The following SIK3 variants were observed in gnomAD, a reference collection of about 807,000 sequenced individuals.
The protein encoded by SIK3 is SIK family kinase 3, also known as serine/threonine-protein kinase SIK3.
Under a neutral mutation model 144.2 loss-of-function variants are expected in SIK3, and 28 were observed. The observed-to-expected ratio is 0.19, with a 90% CI of 0.14 to 0.27. SIK3 has a LOEUF of 0.27. SIK3 is among the 10% of genes least tolerant of loss of function. SIK3 has a pLI of 1.00. For missense variants in SIK3, 1,319 were observed against 1,776.0 expected, an observed-to-expected ratio of 0.74 and a Z score of 4.62; for synonymous variants, 686 against 676.3, an observed-to-expected ratio of 1.01 and a Z score of -0.22.
rs545661904 is a variant in SIK3, at chr11:116,858,453, C to T, written c.3012G>A (p.Pro1004=). Residue 1004 remains proline, a synonymous_variant, in exon 21 of 25, where the codon CCG becomes CCA. Transcript: ENST00000445177. The surrounding 1 kb of genome is among the most constrained non-coding windows in gnomAD (Gnocchi z 5.4). ...ALQQALLSPT[P]PDYTRHQQVP... Reference sequence around the variant, plus strand: ...CCTGCTGGTGTCTTGTATAGTCTGGCGGCGTGGGAGACAGCAGGGCCTGCT... The same window carrying T: ...CCTGCTGGTGTCTTGTATAGTCTGGTGGCGTGGGAGACAGCAGGGCCTGCT... 25 of 1,604,192 alleles carry T rather than the reference C, an allele frequency of 1.6e-5. No homozygotes were observed. In the South Asian group the frequency reaches 2.1e-4, roughly 14 times the overall value.
At chr11:116,973,918 C>T (rs1296025490) in intron 1 of SIK3, among the ~76,000 whole-genome samples, 1 of 152,094 alleles carries the variant, frequency 6.6e-6, no homozygotes. Flanking sequence ...CCTAAGGAGA[C>T]ATGGTGACTA....
chr11:116,967,522 T>C (rs942098519), intron 1 of SIK3, among the ~76,000 whole-genome samples: 5 of 152,212 alleles, frequency 3.3e-5, no homozygotes, highest in Admixed American at 3.3e-4. Context: ...CTGCGTGAAG[T>C]AGCAGGAGCT....
intron 1 of SIK3, among the ~76,000 whole-genome samples, chr11:116,984,050 C>CAAA (rs35403684): frequency 0.1 from 8,059 of 80,554 alleles, 335 homozygotes; most frequent in Non-Finnish European, 0.13. Context: ...GACCCTGACT[C>CAAA]AAAAAAAAAA....
At chr11:117,059,638 C>A (rs1180752802) in intron 1 of SIK3, among the ~76,000 whole-genome samples, 1 of 152,106 alleles carries the variant, frequency 6.6e-6, no homozygotes, top group African/African-American at 2.4e-5. Flanking sequence ...CCAAAATATA[C>A]AAAGAACTCT....
chr11:117,091,644 T>G (rs1565635136), intron 1 of SIK3, among the ~76,000 whole-genome samples: 1 of 152,226 alleles, frequency 6.6e-6, no homozygotes, highest in Non-Finnish European at 1.5e-5. Flanking sequence ...TTAATTTATG[T>G]GCAATTTATG....
intron 1 of SIK3, among the ~76,000 whole-genome samples, chr11:117,010,036 G>A (rs1399509280): frequency 6.6e-6 from 1 of 152,160 alleles, no homozygotes; most frequent in Non-Finnish European, 1.5e-5. Context: ...CAAAGAAGCT[G>A]ATTCTGGCTG....
At chr11:117,045,850 T>C (rs1418118668) in intron 1 of SIK3, among the ~76,000 whole-genome samples, 4 of 152,244 alleles carry the variant, frequency 2.6e-5, no homozygotes, top group African/African-American at 7.2e-5. Flanking sequence ...ATATACTGTG[T>C]AAAAATGTAT....
intron 21 of SIK3, among the ~76,000 whole-genome samples, chr11:116,854,785 T>C (rs1022814613): frequency 2.6e-5 from 4 of 152,112 alleles, no homozygotes; most frequent in African/African-American, 4.8e-5. Flanking sequence ...ATGTAAGCTC[T>C]GGAGTTTTTA....
chr11:116,878,586 G>C (rs941943670), intron 6 of SIK3, among the ~76,000 whole-genome samples: 1 of 152,070 alleles, frequency 6.6e-6, no homozygotes, highest in Non-Finnish European at 1.5e-5. Context: ...CACCATGTTG[G>C]CCAGGCTGGT....
chr11:117,041,311 T>G (rs1680840367), intron 1 of SIK3, among the ~76,000 whole-genome samples: 1 of 152,122 alleles, frequency 6.6e-6, no homozygotes. Flanking sequence ...CCAGCTTTCC[T>G]CAAACTGTAT....
intron 4 of SIK3, among the ~76,000 whole-genome samples, chr11:116,901,694 C>T (rs770424449): frequency 6.6e-6 from 1 of 152,184 alleles, no homozygotes; most frequent in Non-Finnish European, 1.5e-5. Flanking sequence ...GATCTACCCT[C>T]TCTCTCTAGT....
Position 116,995,245 on chromosome 11 carries a change from C to T in SIK3, c.274-38181G>A, listed in dbSNP as rs146925525. Among the ~76,000 whole-genome samples the T allele has an allele frequency of 7.5e-3, 1,055 of 140,600 alleles. 12 individuals carry two copies. Among genetic ancestry groups the T allele is most frequent in the African/African-American group, 0.027 (1,008 of 37,350 alleles). The allele number at this position is 140,600 out of a possible 152,430, so 92.2% of individuals were successfully genotyped here. On this transcript the variant is annotated intron_variant, in intron 1 of 24. Coordinates refer to ENST00000445177, the MANE Select transcript of SIK3 (RefSeq NM_001366686.3). ...TCGCACCATTGCACTCCAGCCTAGG[C>T]GACAGAGCAAGACTCCGTCTCAAAA...
chr11:117,034,897 T>C (rs1220240576), intron 1 of SIK3, among the ~76,000 whole-genome samples: 1 of 152,234 alleles, frequency 6.6e-6, no homozygotes, highest in Non-Finnish European at 1.5e-5. Flanking sequence ...TTTAGCTTAA[T>C]TGTAACATGG....
At chr11:116,971,274 T>C (rs1949756446) in intron 1 of SIK3, among the ~76,000 whole-genome samples, 1 of 152,140 alleles carries the variant, frequency 6.6e-6, no homozygotes, top group Non-Finnish European at 1.5e-5. Context: ...GTAGGTCAAA[T>C]TAATTAAACT....
At position 116,992,611 on chromosome 11, in the gene SIK3, C is replaced by T. The variant is rs182863587; in HGVS notation, c.274-35547G>A. 1.4e-4 allele frequency among the ~76,000 whole-genome samples: 21 copies of T among 152,248 alleles called. No individual in the cohort carries two copies. In the East Asian group the frequency reaches 4.1e-3, roughly 29 times the overall value. On this transcript the variant is annotated intron_variant, in intron 1 of 24. Transcript: ENST00000445177. Reference sequence around the variant, plus strand: ...TTCATTTGTATACAGAGAAGCAGGGCTTTTCACTGTGCTTTACCCAGCAGA... The same window carrying T: ...TTCATTTGTATACAGAGAAGCAGGGTTTTTCACTGTGCTTTACCCAGCAGA...
chr11:116,980,378 A>G (rs1950096695), intron 1 of SIK3, among the ~76,000 whole-genome samples: 1 of 152,248 alleles, frequency 6.6e-6, no homozygotes, highest in Non-Finnish European at 1.5e-5. Context: ...GAGAAACTAA[A>G]AACAATGGCT....
At chr11:116,994,739 A>G (rs1313844113) in intron 1 of SIK3, among the ~76,000 whole-genome samples, 1 of 152,100 alleles carries the variant, frequency 6.6e-6, no homozygotes, top group Admixed American at 6.6e-5. Flanking sequence ...CTCACACCAA[A>G]CTAAAACATA....
chr11:117,060,686 A>T (rs1953754678), intron 1 of SIK3, among the ~76,000 whole-genome samples: 1 of 152,142 alleles, frequency 6.6e-6, no homozygotes, highest in Non-Finnish European at 1.5e-5. Context: ...AGGGTAGTGA[A>T]ATTATTCTGT....
chr11:116,859,256 C>A lies in SIK3; in HGVS notation c.2765+9G>T. 6.3e-7 allele frequency: 1 copy of A among 1,590,974 alleles called. No individual in the cohort carries two copies. The highest frequency in any genetic ancestry group is 8.6e-7 in the Non-Finnish European group (1 of 1,164,450). Reference sequence around the variant, plus strand: ...GCATAGATGGCTGGGTGACGTTAGGCGGTCTTACCTGTGAGCCTCTGCACT... The same window carrying A: ...GCATAGATGGCTGGGTGACGTTAGGAGGTCTTACCTGTGAGCCTCTGCACT... On this transcript the variant is annotated intron_variant, in intron 20 of 24. Transcript: ENST00000445177.
Sources: gnomAD v4.1 joint callset for allele counts (sites outside exome capture counted in the v4.1 genomes callset) on GRCh38, gnomAD v4.1.1 for gene constraint, Gnocchi (gnomAD v3.1) non-coding constraint, MANE v1.5 for transcripts, NCBI Gene and HGNC (gene_info 2026-07-23, HGNC 2026-07-21) for gene names.